The following AIG1 variants were observed in gnomAD, a reference collection of about 807,000 sequenced individuals.
The protein encoded by AIG1 is androgen-induced gene 1 protein.
Under a neutral mutation model 31.4 loss-of-function variants are expected in AIG1, and 23 were observed. The ratio of observed to expected loss-of-function variants is 0.73; its 90% CI spans 0.53 to 1.04. AIG1 has a LOEUF of 1.04. AIG1 is among the 50% of genes least tolerant of loss of function. The pLI is 0.00. For missense variants in AIG1, 274 were observed against 295.0 expected, an observed-to-expected ratio of 0.93 and a Z score of 0.52; for synonymous variants, 100 against 110.5, an observed-to-expected ratio of 0.90 and a Z score of 0.60.
At chr6:143,136,009 G>A (rs1017048121) in intron 1 of AIG1, among the ~76,000 whole-genome samples, 5 of 152,082 alleles carry the variant, frequency 3.3e-5, no homozygotes, top group African/African-American at 1.2e-4. Flanking sequence ...ACAGTATGCT[G>A]CCTGCAGTGT....
At chr6:143,305,846 T>A (rs1432722232) in intron 4 of AIG1, among the ~76,000 whole-genome samples, 4 of 151,820 alleles carry the variant, frequency 2.6e-5, no homozygotes, top group Admixed American at 1.3e-4. Flanking sequence ...CCCATTATTA[T>A]TGTGTGGGAG....
intron 2 of AIG1, among the ~76,000 whole-genome samples, chr6:143,147,642 C>T (rs753691498): frequency 1.6e-4 from 24 of 152,052 alleles, no homozygotes; most frequent in Non-Finnish European, 3.2e-4. Context: ...AATAAAGCAA[C>T]GTTTTGGTCT....
intron 3 of AIG1, among the ~76,000 whole-genome samples, chr6:143,221,172 T>C (rs1241848157): frequency 1.3e-5 from 2 of 152,210 alleles, no homozygotes; most frequent in African/African-American, 2.4e-5. Context: ...ATAAGCACAC[T>C]CTTATTAAGG....
intron 2 of AIG1, among the ~76,000 whole-genome samples, chr6:143,146,113 A>T (rs1380216049): frequency 6.6e-6 from 1 of 152,192 alleles, no homozygotes; most frequent in African/African-American, 2.4e-5. Context: ...AACGGGTTCA[A>T]TAAGTAAAAT....
chr6:143,082,084 A>G (rs903743160), intron 1 of AIG1, among the ~76,000 whole-genome samples: 1 of 152,178 alleles, frequency 6.6e-6, no homozygotes, highest in African/African-American at 2.4e-5. Flanking sequence ...GAAGTTAGGA[A>G]TTCCCTTTCT....
intron 1 of AIG1, among the ~76,000 whole-genome samples, chr6:143,118,935 A>G (rs1423489709): frequency 2.0e-5 from 3 of 148,626 alleles, no homozygotes; most frequent in African/African-American, 5.0e-5. Flanking sequence ...GTACAGTGGT[A>G]TGATCATGGC....
At chr6:143,066,425 A>G (rs567784452) in intron 1 of AIG1, among the ~76,000 whole-genome samples, 18 of 151,960 alleles carry the variant, frequency 1.2e-4, no homozygotes, top group South Asian at 2.1e-4. Context: ...GGCACCTGCC[A>G]CCACACCTGG....
chr6:143,132,603 A>G (rs1308464187), intron 1 of AIG1, among the ~76,000 whole-genome samples: 1 of 151,168 alleles, frequency 6.6e-6, no homozygotes, highest in Non-Finnish European at 1.5e-5. Context: ...CTGTGGGTTT[A>G]TAGTTTTCAG....
chr6:143,239,977 A>G (rs1562517379), intron 3 of AIG1, among the ~76,000 whole-genome samples: 1 of 152,262 alleles, frequency 6.6e-6, no homozygotes. Context: ...TTCCAGGTAG[A>G]ATTTCACTAT....
At chr6:143,312,470 CT>C (rs1403879424) in intron 4 of AIG1, among the ~76,000 whole-genome samples, 1 of 152,014 alleles carries the variant, frequency 6.6e-6, no homozygotes. Context: ...AGGACAGTCT[CT>C]TCAATAAATG....
At chr6:143,097,654 C>T (rs905373750) in intron 1 of AIG1, among the ~76,000 whole-genome samples, 8 of 152,142 alleles carry the variant, frequency 5.3e-5, no homozygotes, top group African/African-American at 1.4e-4. Flanking sequence ...ACCTGTTTTC[C>T]TCTATCCTCA....
intron 3 of AIG1, among the ~76,000 whole-genome samples, chr6:143,282,772 C>A (rs572834311): frequency 4.6e-5 from 7 of 152,214 alleles, no homozygotes; most frequent in African/African-American, 1.7e-4. Flanking sequence ...CTATTTTTTT[C>A]TAGGAATATA....
chr6:143,086,898 G>A (rs534795632), intron 1 of AIG1, among the ~76,000 whole-genome samples: 40 of 152,296 alleles, frequency 2.6e-4, no homozygotes, highest in African/African-American at 8.2e-4. Context: ...GGCTTATGCC[G>A]GGAGTTCAGG....
At chr6:143,306,614 C>A (rs921619664) in intron 4 of AIG1, among the ~76,000 whole-genome samples, 1 of 152,264 alleles carries the variant, frequency 6.6e-6, no homozygotes, top group East Asian at 1.9e-4. Context: ...CCCGACCTTT[C>A]TCTCTGGCTT....
intron 3 of AIG1, among the ~76,000 whole-genome samples, chr6:143,206,402 AT>A (rs1278561365): frequency 6.6e-6 from 1 of 152,220 alleles, no homozygotes; most frequent in Non-Finnish European, 1.5e-5. Context: ...ATTTAAGTGA[AT>A]AAAAATATCA....
At chr6:143,094,825 C>T (rs1421412201) in intron 1 of AIG1, among the ~76,000 whole-genome samples, 1 of 151,206 alleles carries the variant, frequency 6.6e-6, no homozygotes, top group Non-Finnish European at 1.5e-5. Flanking sequence ...CCTGAAAACT[C>T]GAAAGAACAC....
intron 3 of AIG1, chr6:143,187,613 A>T (rs1789385826): frequency 6.5e-7 from 1 of 1,536,104 alleles, no homozygotes; most frequent in African/African-American, 1.4e-5. Flanking sequence ...AGATGTTGCG[A>T]CCTTTCTTTC....
chr6:143,101,972 A>G (rs1245768265), intron 1 of AIG1, among the ~76,000 whole-genome samples: 1 of 152,136 alleles, frequency 6.6e-6, no homozygotes, highest in African/African-American at 2.4e-5. Flanking sequence ...TTTTTCAAAG[A>G]TTTCCCAGGT....
chr6:143,303,818 G>C (rs539287482), intron 4 of AIG1, among the ~76,000 whole-genome samples: 1 of 145,832 alleles, frequency 6.9e-6, no homozygotes, highest in Admixed American at 6.9e-5. Context: ...ACCTTGGGCA[G>C]TATGGCCATT....
Sources: gnomAD v4.1 joint callset for allele counts (sites outside exome capture counted in the v4.1 genomes callset) on GRCh38, gnomAD v4.1.1 for gene constraint, MANE v1.5 for transcripts, NCBI Gene and HGNC (gene_info 2026-07-23, HGNC 2026-07-21) for gene names.